The following DISP3 variants were observed in gnomAD, a reference collection of about 807,000 sequenced individuals.
DISP3 encodes the protein dispatched RND transporter family member 3.
Under a neutral mutation model 135.3 loss-of-function variants are expected in DISP3, and 101 were observed. The ratio of observed to expected loss-of-function variants is 0.75; its 90% CI spans 0.64 to 0.88. The LOEUF (loss-of-function observed/expected upper bound fraction) is 0.88. DISP3 is among the 40% of genes least tolerant of loss of function. The pLI is 0.00. For missense variants in DISP3, 1,713 were observed against 1,878.6 expected, an observed-to-expected ratio of 0.91 and a Z score of 1.63; for synonymous variants, 856 against 817.0, an observed-to-expected ratio of 1.05 and a Z score of -0.81.
Position 11,501,402 on chromosome 1 carries a change from G to T in DISP3, c.410G>T (p.Arg137Leu). ...CAGTTTGGATCCTGGGGGCGGAACC[G>T]GCGCGATTTGGCCGACTTCACCTCC... Reference protein sequence around the residue: ...KSQFGSWGRNRRDLADFTSET... With the variant: ...KSQFGSWGRNLRDLADFTSET... The change falls in exon 2 of 21, where the codon CGG becomes CTG. Residue 137 changes from arginine to leucine, a missense_variant. Arg to Leu is a moderately radical substitution (Grantham distance 102, BLOSUM62 -2). Transcript: ENST00000294484. This position sits in a 1 kb window ranked among gnomAD's most constrained non-coding sequence, Gnocchi z 4.9. 6.3e-7 allele frequency: 1 copy of T among 1,597,816 alleles called. No homozygotes were observed. The highest frequency in any genetic ancestry group is 1.1e-5 in the South Asian group (1 of 88,786).
chr1:11,529,927 C>T lies in DISP3; in HGVS notation c.3070C>T (p.Arg1024Trp), dbSNP rs774915287. Reference sequence around the variant, plus strand: ...CGGCATTATTGGCGTCAACCGCACTCGGCAGGTGGACAACCACGTCATTGG... The same window carrying T: ...CGGCATTATTGGCGTCAACCGCACTTGGCAGGTGGACAACCACGTCATTGG... ...VFGIIGVNRT[R>W]QVDNHVIGDP... The change falls in exon 15 of 21, where the codon CGG becomes TGG. Residue 1024 changes from arginine to tryptophan, a missense_variant. Arg to Trp is a moderately radical substitution (Grantham distance 101). This residue lies in a region of DISP3 where 1,142 missense variants were observed against 1,384.6 expected (regional missense o/e 0.82). Coordinates refer to ENST00000294484, the MANE Select transcript of DISP3 (RefSeq NM_020780.2). The surrounding 1 kb of genome is among the most constrained non-coding windows in gnomAD (Gnocchi z 4.7). 9 of 1,613,568 alleles carry T rather than the reference C, an allele frequency of 5.6e-6. No homozygotes were observed. The highest frequency in any genetic ancestry group is 4.0e-5 in the African/African-American group (3 of 74,932).
intron 1 of DISP3, among the ~76,000 whole-genome samples, chr1:11,490,599 C>A (rs1280420235): frequency 6.6e-6 from 1 of 152,060 alleles, no homozygotes; most frequent in Non-Finnish European, 1.5e-5. Context: ...CTTCCATTGT[C>A]TTTTCCTCAT....
rs17036950 is a variant in DISP3 at position 11,516,149 on chromosome 1, C to T, written c.1737C>T (p.Asn579=). 6,090 of 1,613,980 alleles carry T rather than the reference C, an allele frequency of 3.8e-3. 141 individuals carry two copies. The African/African-American group carries it at 0.061, about 16-fold the overall frequency. The change falls in exon 6 of 21, where the codon AAC becomes AAT. Residue 579 remains asparagine, a synonymous_variant. Coordinates refer to ENST00000294484, the MANE Select transcript of DISP3 (RefSeq NM_020780.2). The surrounding 1 kb of genome is among the most constrained non-coding windows in gnomAD (Gnocchi z 5.1). ...CCACAGCCGCCGCCTACGCAGCTAACGTCTTCTCCCAGGTGCGGACCTGTC... is the reference window on the plus strand; with the variant it reads ...CCACAGCCGCCGCCTACGCAGCTAATGTCTTCTCCCAGGTGCGGACCTGTC... ...SLTTAAAYAA[N]VFSQIPAVHD... is the part of the protein sequence containing the mutation.
intron 10 of DISP3, among the ~76,000 whole-genome samples, chr1:11,523,671 G>C (rs1642317323): frequency 6.6e-6 from 1 of 151,902 alleles, no homozygotes; most frequent in African/African-American, 2.4e-5. Flanking sequence ...GGGGCAGAGT[G>C]GCACAGAGAG....
In DISP3 at chr1:11,501,046, G is replaced by A. The variant is rs751116892; in HGVS notation, c.54G>A (p.Gln18=). 15 of 1,614,028 alleles carry A rather than the reference G, an allele frequency of 9.3e-6. No individual in the cohort carries two copies. The highest frequency in any genetic ancestry group is 5.1e-6 in the Non-Finnish European group (6 of 1,180,040). The change falls in exon 2 of 21, where the codon CAG becomes CAA. Residue 18 remains glutamine, a synonymous_variant. Coordinates refer to ENST00000294484, the MANE Select transcript of DISP3 (RefSeq NM_020780.2). This position sits in a 1 kb window ranked among gnomAD's most constrained non-coding sequence, Gnocchi z 4.9. ...AGGATGTGTGGCTAGAGGAGGAGCAGGAGGAGGAAGAAGCAACGGGTGAAA... is the reference window on the plus strand; with the variant it reads ...AGGATGTGTGGCTAGAGGAGGAGCAAGAGGAGGAAGAAGCAACGGGTGAAA... ...LLQDVWLEEE[Q]EEEEATGETF...
In DISP3 at chr1:11,529,210, G is replaced by A. The variant is rs780772562; in HGVS notation, c.2799-346G>A. Reference sequence around the variant, plus strand: ...AGCGAGGACCACTAGGGTTGGCCCTGGGGGTCCCTCCTGAACCCTCGTACC... The same window carrying A: ...AGCGAGGACCACTAGGGTTGGCCCTAGGGGTCCCTCCTGAACCCTCGTACC... On this transcript the variant is annotated intron_variant, in intron 13 of 20. Coordinates refer to ENST00000294484, the MANE Select transcript of DISP3 (RefSeq NM_020780.2). The surrounding 1 kb of genome is among the most constrained non-coding windows in gnomAD (Gnocchi z 4.7). Among the ~76,000 whole-genome samples, 1 of 152,120 alleles carries A rather than the reference G, an allele frequency of 6.6e-6. No homozygotes were observed. The highest frequency in any genetic ancestry group is 1.5e-5 in the Non-Finnish European group (1 of 68,000).
Position 11,525,461 on chromosome 1 carries a change from G to A in DISP3, c.2613+149G>A. On this transcript the variant is annotated intron_variant, in intron 12 of 20. Transcript: ENST00000294484. ...CCTCCCCTAAACCAGCCATGTCTGT[G>A]ACAGGGACCTGCCGAGTGGTAGCAG... is the stretch of plus-strand genomic sequence containing the variant. 6.7e-6 allele frequency: 7 copies of A among 1,051,226 alleles called. No homozygotes were observed. In the South Asian group the frequency reaches 9.1e-5, roughly 14 times the overall value. The allele number at this position is 1,051,226 out of a possible 1,614,324, so 65.1% of individuals were successfully genotyped here.
intron 15 of DISP3, among the ~76,000 whole-genome samples, chr1:11,530,233 G>A (rs1026650537): frequency 6.6e-6 from 1 of 152,208 alleles, no homozygotes. Flanking sequence ...CAATCCAGGT[G>A]GACACCTCCG....
At chr1:11,494,323 C>G (rs1641269819) in intron 1 of DISP3, among the ~76,000 whole-genome samples, 1 of 152,190 alleles carries the variant, frequency 6.6e-6, no homozygotes, top group Non-Finnish European at 1.5e-5. Context: ...GTCAGAGTTT[C>G]TGCATTGAAC....
At chr1:11,500,135 C>T (rs1004075667) in intron 1 of DISP3, among the ~76,000 whole-genome samples, 10 of 152,240 alleles carry the variant, frequency 6.6e-5, no homozygotes, top group African/African-American at 2.2e-4. Context: ...CCTGCCCATG[C>T]CCAAAGGTTT....
chr1:11,501,987 A>C lies in DISP3; in HGVS notation c.995A>C (p.Tyr332Ser). ...LKDLPLGSYS[Y>S]CSPPSSLMTY... ...GATCTGCCGCTGGGCTCCTACTCCT[A>C]CTGCTCGCCCCCCAGCTCGCTCATG... The change falls in exon 2 of 21, where the codon TAC becomes TCC. Residue 332 changes from tyrosine (Y) to serine (S), a missense_variant. By Grantham distance (144) the Tyr-to-Ser change is moderately radical. Coordinates refer to ENST00000294484, the MANE Select transcript of DISP3 (RefSeq NM_020780.2). This position sits in a 1 kb window ranked among gnomAD's most constrained non-coding sequence, Gnocchi z 4.9. The C allele has an allele frequency of 6.2e-7, 1 of 1,613,282 alleles. No individual in the cohort carries two copies. The highest frequency in any genetic ancestry group is 1.1e-5 in the South Asian group (1 of 91,016).
Position 11,515,058 on chromosome 1 carries a change from A to G in DISP3, c.1454-311A>G, listed in dbSNP as rs113348263. Among the ~76,000 whole-genome samples, 261 of 152,362 alleles carry G rather than the reference A, an allele frequency of 1.7e-3. 1 individual carries two copies. Among genetic ancestry groups the G allele is most frequent in the African/African-American group, 5.9e-3 (244 of 41,586 alleles). On this transcript the variant is annotated intron_variant, in intron 4 of 20. Transcript: ENST00000294484. Reference sequence around the variant, plus strand: ...ACAGATATTTACTGGGCACCAAACTATATGCCAGATGCTGTAAGGTGCCAG... The same window carrying G: ...ACAGATATTTACTGGGCACCAAACTGTATGCCAGATGCTGTAAGGTGCCAG...
In DISP3 at chr1:11,529,991, G is replaced by T. The variant is rs1218932353; in HGVS notation, c.3102+32G>T. ...GGCATGCGTCGGGCAGATGCCGAGG[G>T]CCCCAGCTGCAACAGTCTTGCAAAT... On this transcript the variant is annotated intron_variant, in intron 15 of 20. Coordinates refer to ENST00000294484, the MANE Select transcript of DISP3 (RefSeq NM_020780.2). This position sits in a 1 kb window ranked among gnomAD's most constrained non-coding sequence, Gnocchi z 4.7. The T allele has an allele frequency of 6.2e-7, 1 of 1,600,532 alleles. No homozygotes were observed. Among genetic ancestry groups the T allele is most frequent in the South Asian group, 1.1e-5 (1 of 90,446 alleles).
intron 1 of DISP3, among the ~76,000 whole-genome samples, chr1:11,487,966 T>C (rs1400903467): frequency 3.3e-5 from 5 of 152,192 alleles, no homozygotes; most frequent in African/African-American, 1.2e-4. Context: ...TATCATGGAA[T>C]AGACGGAGCC....
Position 11,536,276 on chromosome 1 carries a change from AG to A in DISP3, c.3817-44del, listed in dbSNP as rs754858090. On this transcript the variant is annotated intron_variant, in intron 20 of 20. Coordinates refer to ENST00000294484, the MANE Select transcript of DISP3 (RefSeq NM_020780.2). This position sits in a 1 kb window ranked among gnomAD's most constrained non-coding sequence, Gnocchi z 4.3. ...GCGTGATTCCCCAGGTGCTGGCCAG[AG>A]GGGTCCCGCAGGCAGGCTGGGCTCC... 1.3e-6 allele frequency: 2 copies of A among 1,563,888 alleles called. 1 individual carries two copies. The highest frequency in any genetic ancestry group is 2.4e-5 in the South Asian group (2 of 84,492).
chr1:11,501,486 C>T lies in DISP3; in HGVS notation c.494C>T (p.Ser165Leu). 2 of 1,605,932 alleles carry T rather than the reference C, an allele frequency of 1.2e-6. No homozygotes were observed. The highest frequency in any genetic ancestry group is 1.7e-6 in the Non-Finnish European group (2 of 1,176,274). Residue 165 changes from serine to leucine, a missense_variant, in exon 2 of 21, where the codon TCG becomes TTG. By Grantham distance (145) the Ser-to-Leu change is moderately radical. Transcript: ENST00000294484. The surrounding 1 kb of genome is among the most constrained non-coding windows in gnomAD (Gnocchi z 4.9). ...CAGCAGCTGCATCTCGGCAACCGCT[C>T]GCGGCAAGCCTCCCGAGCCCCCCGC... ...QLQQLHLGNR[S>L]RQASRAPRVI...
intron 3 of DISP3, among the ~76,000 whole-genome samples, chr1:11,506,048 T>G (rs887320136): frequency 6.6e-6 from 1 of 152,246 alleles, no homozygotes; most frequent in African/African-American, 2.4e-5. Context: ...GGCACTTATT[T>G]TCTTTTAATA....
chr1:11,485,888 C>T (rs1041024429), intron 1 of DISP3, among the ~76,000 whole-genome samples: 33 of 152,166 alleles, frequency 2.2e-4, no homozygotes, highest in African/African-American at 8.0e-4. Flanking sequence ...AGCTGCCATG[C>T]GCACAAGGAC....
At chr1:11,488,524 TG>T in intron 1 of DISP3, among the ~76,000 whole-genome samples, 1 of 152,284 alleles carries the variant, frequency 6.6e-6, no homozygotes, top group East Asian at 1.9e-4. Flanking sequence ...GCACCCGTGG[TG>T]GGGAACTTGA....
Sources: allele counts gnomAD v4.1 joint callset (sites outside exome capture counted in the v4.1 genomes callset), GRCh38; gene constraint gnomAD v4.1.1; regional missense constraint gnomAD v4.1.1; non-coding constraint Gnocchi (gnomAD v3.1); transcripts MANE v1.5; gene names NCBI Gene and HGNC (gene_info 2026-07-23, HGNC 2026-07-21).